Variants in SIVA1 observed in about 807,000 individuals in gnomAD.
SIVA1 encodes apoptosis regulatory protein Siva.
Under a neutral mutation model 19.7 loss-of-function variants are expected in SIVA1, and 10 were observed. That is an observed-to-expected ratio of 0.51 (90% CI 0.31 to 0.86). SIVA1 has a LOEUF of 0.86. Among genes scored for constraint, SIVA1 ranks in the 40% least tolerant of loss-of-function variants. SIVA1 has a pLI of 0.04. For missense variants in SIVA1, 241 were observed against 245.2 expected (o/e 0.98, Z 0.11); for synonymous variants, 130 against 106.1 (o/e 1.23, Z -1.39).
In SIVA1 at chr14:104,759,488, C is replaced by A. The variant is rs758605452; in HGVS notation, c.*3C>A. ...GCTGTGCCATGTTCGAGACCTGAGG[C>A]TGGCTCAAGCCGGCTGCCTTCACCG... On this transcript the variant is annotated 3_prime_UTR_variant, in exon 4 of 4. Transcript: ENST00000329967. The surrounding 1 kb of genome is among the most constrained non-coding windows in gnomAD (Gnocchi z 4.2). The A allele has an allele frequency of 5.0e-6, 8 of 1,609,670 alleles. No individual in the cohort carries two copies. In the Admixed American group the frequency reaches 1.2e-4, roughly 23 times the overall value.
chr14:104,756,478 T>G, intron 2 of SIVA1, 126 bp from the exon 3 acceptor site: 1 of 1,004,686 alleles, frequency 1.0e-6, no homozygotes, highest in Non-Finnish European at 1.5e-6. Flanking sequence ...GGATCCAGTG[T>G]AGGTGGGGAT....
intron 3 of SIVA1, chr14:104,757,121 G>A (rs961324736): frequency 3.2e-5 from 11 of 348,976 alleles, no homozygotes; most frequent in Non-Finnish European, 4.9e-5. Context: ...GGTGCACACC[G>A]CAGCTTCACC....
chr14:104,757,713 G>T (rs1181674696), intron 3 of SIVA1: 1 of 153,120 alleles, frequency 6.5e-6, no homozygotes, highest in African/African-American at 2.4e-5. Context: ...AACTGAAAAG[G>T]GCAGGGTTTT....
At chr14:104,756,029 G>A (rs1227670699) in intron 2 of SIVA1, 1 of 685,400 alleles carries the variant, frequency 1.5e-6, no homozygotes, top group Non-Finnish European at 2.6e-6. Context: ...TCTAAGTACT[G>A]GGCCAAAAAA....
At chr14:104,757,311 G>T (rs1891926873) in intron 3 of SIVA1, 2 of 439,504 alleles carry the variant, frequency 4.6e-6, no homozygotes, top group African/African-American at 4.1e-5. Context: ...GGACAGTGTG[G>T]AGCCTGTTTG....
rs374753312 is a variant in SIVA1, at chr14:104,753,162, C to T, written c.-40C>T. Reference sequence around the variant, plus strand: ...ACGTCACGGCGTCGTTGGTAAGGGGCTGGCGGCCGGGGAGCTGCGTAGCTC... The same window carrying T: ...ACGTCACGGCGTCGTTGGTAAGGGGTTGGCGGCCGGGGAGCTGCGTAGCTC... On this transcript the variant is annotated 5_prime_UTR_variant, in exon 1 of 4. Transcript: ENST00000329967. 9.5e-4 allele frequency: 1,297 copies of T among 1,362,252 alleles called. 3 individuals carry two copies. The highest frequency in any genetic ancestry group is 2.5e-3 in the Admixed American group (130 of 51,842). The allele number at this position is 1,362,252 out of a possible 1,614,324, so 84.4% of individuals were successfully genotyped here.
At position 104,759,567 on chromosome 14, in the gene SIVA1, T is replaced by C; in HGVS notation, c.*82T>C. The C allele has an allele frequency of 3.4e-6, 4 of 1,186,620 alleles. No homozygotes were observed. The highest frequency in any genetic ancestry group is 3.7e-6 in the Non-Finnish European group (3 of 813,142). 73.5% of individuals were successfully genotyped at this position (1,186,620 alleles called of 1,614,324 possible). A position where few individuals can be genotyped will look rare whatever the true frequency, so the allele number is the denominator to read the frequency against. On this transcript the variant is annotated 3_prime_UTR_variant, in exon 4 of 4. Transcript: ENST00000329967. This position sits in a 1 kb window ranked among gnomAD's most constrained non-coding sequence, Gnocchi z 4.2. ...CTGGACGAGCGCTCGGTGTTCACAC[T>C]GAACTGTGGGGTCGACGGGAGGGGT...
In SIVA1 at chr14:104,759,262, A is replaced by G. The variant is rs2140865052; in HGVS notation, c.471-166A>G. 3.8e-6 allele frequency: 2 copies of G among 526,856 alleles called. No homozygotes were observed. Among genetic ancestry groups the G allele is most frequent in the South Asian group, 5.9e-5 (2 of 34,024 alleles). 32.6% of individuals were successfully genotyped at this position (526,856 alleles called of 1,614,324 possible). A position where few individuals can be genotyped will look rare whatever the true frequency, so the allele number is the denominator to read the frequency against. ...CGTGTTGCCTTAGGGCCCCCATGTC[A>G]GTGCCGTCATCTAGACTGATGATGC... On this transcript the variant is annotated intron_variant, in intron 3 of 3. Coordinates refer to ENST00000329967, the MANE Select transcript of SIVA1 (RefSeq NM_006427.4). This position sits in a 1 kb window ranked among gnomAD's most constrained non-coding sequence, Gnocchi z 4.2.
At chr14:104,754,947 CAA>C (rs1891836015) in intron 1 of SIVA1, among the ~76,000 whole-genome samples, 1 of 152,186 alleles carries the variant, frequency 6.6e-6, no homozygotes, top group African/African-American at 2.4e-5. Flanking sequence ...AAACAAAAAA[CAA>C]AGCATTTCTG....
At chr14:104,756,467 A>G in intron 2 of SIVA1, 137 bp from the exon 3 acceptor site, 2 of 875,092 alleles carry the variant, frequency 2.3e-6, no homozygotes, top group Non-Finnish European at 3.7e-6. Context: ...GGTTGTCAGA[A>G]GGATCCAGTG....
Position 104,755,727 on chromosome 14 carries a change from G to A in SIVA1, c.216G>A (p.Lys72=). Residue 72 remains lysine (K), a synonymous_variant, in exon 2 of 4, where the codon AAG becomes AAA. Coordinates refer to ENST00000329967, the MANE Select transcript of SIVA1 (RefSeq NM_006427.4). Reference sequence around the variant, plus strand: ...TCGTTCACCTGCCAGAGTCCCCAAAGCCTGGCCCTACAGGGGCCCCGAGGG... The same window carrying A: ...TCGTTCACCTGCCAGAGTCCCCAAAACCTGGCCCTACAGGGGCCCCGAGGG... The part of the protein sequence containing the change: ...CAVVHLPESP[K]PGPTGAPRAA... 6.2e-7 allele frequency: 1 copy of A among 1,614,130 alleles called. No individual in the cohort carries two copies. The highest frequency in any genetic ancestry group is 8.5e-7 in the Non-Finnish European group (1 of 1,180,000).
intron 3 of SIVA1, chr14:104,758,382 C>G (rs1891970561): frequency 6.6e-6 from 1 of 152,288 alleles, no homozygotes. Flanking sequence ...CTCCACGGCC[C>G]TGTCGTGTTT....
At chr14:104,753,759 G>A (rs530238160) in intron 1 of SIVA1, 26 of 454,816 alleles carry the variant, frequency 5.7e-5, no homozygotes, top group South Asian at 3.6e-4. Context: ...GCGCGGCCCT[G>A]CCAGGCACGG....
chr14:104,759,185 C>T lies in SIVA1; in HGVS notation c.471-243C>T, dbSNP rs1300117049. ...CTGCCCCCTCCCTGTATCTTCATGT[C>T]GTCTTCCTTCTCTGTGTCCTTCTCT... On this transcript the variant is annotated intron_variant, in intron 3 of 3. Coordinates refer to ENST00000329967, the MANE Select transcript of SIVA1 (RefSeq NM_006427.4). This position sits in a 1 kb window ranked among gnomAD's most constrained non-coding sequence, Gnocchi z 4.2. The T allele has an allele frequency of 1.0e-5, 4 of 394,164 alleles. No homozygotes were observed. The highest frequency in any genetic ancestry group is 8.5e-5 in the East Asian group (2 of 23,634). The allele number at this position is 394,164 out of a possible 1,614,324, so 24.4% of individuals were successfully genotyped here. A position where few individuals can be genotyped will look rare whatever the true frequency, so the allele number is the denominator to read the frequency against.
At chr14:104,753,355 TC>T (rs780127873) in intron 1 of SIVA1, 36 bp downstream of exon 1, 57 of 1,436,868 alleles carry the variant, frequency 4.0e-5, no homozygotes, top group Non-Finnish European at 4.8e-5. Context: ...GTCCGCTGCG[TC>T]GGGGCCTGGA....
chr14:104,755,486 G>T (rs1891853164), intron 1 of SIVA1, 144 bp from the exon 2 acceptor site: 5 of 738,422 alleles, frequency 6.8e-6, no homozygotes, highest in Admixed American at 2.5e-5. Flanking sequence ...GCTCGCCAGG[G>T]CACAACACAG....
At chr14:104,755,928 C>G (rs779531522) in intron 2 of SIVA1, 104 bp downstream of exon 2, 1 of 1,114,270 alleles carries the variant, frequency 9.0e-7, no homozygotes, top group South Asian at 1.3e-5. Context: ...CCTGGGTAAG[C>G]AGGACTCTGA....
chr14:104,756,868 T>A, intron 3 of SIVA1, 108 bp downstream of exon 3: 2 of 1,241,582 alleles, frequency 1.6e-6, no homozygotes, highest in Non-Finnish European at 1.1e-6. Context: ...GTGTGGCCCC[T>A]GATGCAGTGC....
At chr14:104,757,102 G>T in intron 3 of SIVA1, 1 of 387,052 alleles carries the variant, frequency 2.6e-6, no homozygotes, top group South Asian at 2.4e-5. Flanking sequence ...GCCCCTGGTT[G>T]GTGACACAGG....
Sources: allele counts gnomAD v4.1 joint callset (sites outside exome capture counted in the v4.1 genomes callset), GRCh38; gene constraint gnomAD v4.1.1; non-coding constraint Gnocchi (gnomAD v3.1); transcripts MANE v1.5; gene names NCBI Gene and HGNC (gene_info 2026-07-23, HGNC 2026-07-21).